The following PGBD1 variants were observed in gnomAD, a reference collection of about 807,000 sequenced individuals.
PGBD1 encodes piggyBac transposable element-derived protein 1.
Under a neutral mutation model 34.7 loss-of-function variants are expected in PGBD1, and 25 were observed. The ratio of observed to expected loss-of-function variants is 0.72; its 90% CI spans 0.52 to 1.00. PGBD1 has a LOEUF of 1.00. Ranked by LOEUF, PGBD1 falls within the 50% of genes least tolerant of loss-of-function variation. The probability of loss-of-function intolerance (pLI) is 0.00; values close to 1 mark genes in which losing one functional copy is unlikely to be tolerated. For synonymous variants in PGBD1, 292 were observed against 335.7 expected, an observed-to-expected ratio of 0.87 and a Z score of 1.42; for missense variants, 830 against 959.4, an observed-to-expected ratio of 0.87 and a Z score of 1.78.
intron 4 of PGBD1, among the ~76,000 whole-genome samples, chr6:28,293,230 C>T (rs1312696362): frequency 6.6e-6 from 1 of 152,142 alleles, no homozygotes; most frequent in African/African-American, 2.4e-5. Context: ...CATGAGCCAC[C>T]ACGCCAGGCC....
chr6:28,298,867 TG>T (rs1454395386), intron 6 of PGBD1, among the ~76,000 whole-genome samples: 1 of 152,062 alleles, frequency 6.6e-6, no homozygotes, highest in Non-Finnish European at 1.5e-5. Flanking sequence ...AGCAGAGGGT[TG>T]GCTTCTGGTG....
At chr6:28,300,000 CAAAA>C (rs776417092) in intron 6 of PGBD1, among the ~76,000 whole-genome samples, 2 of 85,044 alleles carry the variant, frequency 2.4e-5, no homozygotes, top group Non-Finnish European at 4.9e-5. Context: ...GACTCTGTCT[CAAAA>C]AAAAAAAAAA....
At position 28,302,343 on chromosome 6, in the gene PGBD1, C is replaced by T; in HGVS notation, c.*59C>T. The stretch of plus-strand genomic sequence containing the variant: ...AAGACATAGAAAAATAATAATTATA[C>T]ATGCTGTTGTACCCTCCCAAAGTAA... On this transcript the variant is annotated 3_prime_UTR_variant, in exon 7 of 7. Coordinates refer to ENST00000682144, the MANE Select transcript of PGBD1 (RefSeq NM_032507.4). 2.0e-6 allele frequency: 3 copies of T among 1,502,854 alleles called. No individual in the cohort carries two copies. The South Asian group carries it at 3.9e-5, about 20-fold the overall frequency. 93.1% of individuals were successfully genotyped at this position (1,502,854 alleles called of 1,614,324 possible).
Position 28,285,609 on chromosome 6 carries a change from T to A in PGBD1, c.455T>A (p.Val152Asp). ...MHPMVAEYQG[V>D]SLECQSLQLL... The stretch of plus-strand genomic sequence containing the variant: ...CCAATGGTGGCAGAATATCAAGGAG[T>A]CTCTTTGGAGTGTCAGAGCCTCCAG... The change falls in exon 3 of 7, where the codon GTC becomes GAC. Residue 152 changes from valine (V) to aspartate (D), a missense_variant. This residue lies in a region of PGBD1 where 457 missense variants were observed against 515.4 expected (regional missense o/e 0.89). Coordinates refer to ENST00000682144, the MANE Select transcript of PGBD1 (RefSeq NM_032507.4). The A allele has an allele frequency of 1.2e-6, 2 of 1,613,598 alleles. No individual in the cohort carries two copies. The highest frequency in any genetic ancestry group is 1.7e-6 in the Non-Finnish European group (2 of 1,179,844).
chr6:28,284,264 G>T, intron 2 of PGBD1, 55 bp downstream of exon 2: 1 of 1,445,472 alleles, frequency 6.9e-7, no homozygotes, highest in Non-Finnish European at 9.1e-7. Flanking sequence ...ACATGTATCG[G>T]TTTATTTTTA....
chr6:28,284,515 G>A (rs1007481082), intron 2 of PGBD1, among the ~76,000 whole-genome samples: 1 of 151,616 alleles, frequency 6.6e-6, no homozygotes, highest in African/African-American at 2.4e-5. Context: ...AGAGTCAGTT[G>A]CAAACACTAT....
At position 28,283,756 on chromosome 6, in the gene PGBD1, A is replaced by G. The variant is rs2113740368; in HGVS notation, c.-38-20A>G. On this transcript the variant is annotated intron_variant, in intron 1 of 6. Coordinates refer to ENST00000682144, the MANE Select transcript of PGBD1 (RefSeq NM_032507.4). Reference sequence around the variant, plus strand: ...TTGCTGATAAATTCTTATGCCTCAGATCTCTATTTCTGAATATAGACCCCA... The same window carrying G: ...TTGCTGATAAATTCTTATGCCTCAGGTCTCTATTTCTGAATATAGACCCCA... 1 of 1,501,628 alleles carries G rather than the reference A, an allele frequency of 6.7e-7. No homozygotes were observed. Among genetic ancestry groups the G allele is most frequent in the Non-Finnish European group, 8.9e-7 (1 of 1,125,266 alleles). 93.0% of individuals were successfully genotyped at this position (1,501,628 alleles called of 1,614,324 possible).
At position 28,281,608 on chromosome 6, in the gene PGBD1, G is replaced by A; in HGVS notation, c.-349G>A. ...GCTGCTGGAGGCGCCGGCAGCGCCC[G>A]CCAGACCCGCCAGCCCAGCGGCCCG... On this transcript the variant is annotated 5_prime_UTR_variant, in exon 1 of 7. Transcript: ENST00000682144. The A allele has an allele frequency of 2.6e-6, 1 of 381,606 alleles. No homozygotes were observed. The highest frequency in any genetic ancestry group is 4.5e-5 in the Admixed American group (1 of 22,152). 23.6% of individuals were successfully genotyped at this position (381,606 alleles called of 1,614,324 possible).
chr6:28,296,752 C>G, intron 4 of PGBD1, 64 bp from the exon 5 acceptor site: 1 of 1,587,046 alleles, frequency 6.3e-7, no homozygotes, highest in South Asian at 1.1e-5. Flanking sequence ...ATTCAACACC[C>G]TTCACAACTG....
At chr6:28,289,442 C>A (rs1369457775) in intron 4 of PGBD1, among the ~76,000 whole-genome samples, 4 of 152,178 alleles carry the variant, frequency 2.6e-5, no homozygotes, top group South Asian at 2.1e-4. Flanking sequence ...CTAAAGAATT[C>A]TTCAGTCTAA....
rs1762196406 is a variant in PGBD1, at chr6:28,283,769, A to G, written c.-38-7A>G. The G allele has an allele frequency of 2.6e-6, 4 of 1,513,694 alleles. No homozygotes were observed. The South Asian group carries it at 4.0e-5, about 15-fold the overall frequency. The allele number at this position is 1,513,694 out of a possible 1,614,324, so 93.8% of individuals were successfully genotyped here. On this transcript the variant is annotated splice_region_variant and splice_polypyrimidine_tract_variant and intron_variant, in intron 1 of 6. Coordinates refer to ENST00000682144, the MANE Select transcript of PGBD1 (RefSeq NM_032507.4). ...CTTATGCCTCAGATCTCTATTTCTG[A>G]ATATAGACCCCAAGCTAAGTGAAGC...
rs557386885 is a variant in PGBD1, at chr6:28,288,577, C to T, written c.642+1409C>T. On this transcript the variant is annotated intron_variant, in intron 4 of 6. Transcript: ENST00000682144. ...CTTATTCAAAGAAATAACAATAGGC[C>T]GGGTGCAGTGGCTCTCAACTGTAAT... Among the ~76,000 whole-genome samples, 12 of 152,130 alleles carry T rather than the reference C, an allele frequency of 7.9e-5. No individual in the cohort carries two copies. The East Asian group carries it at 1.4e-3, about 17-fold the overall frequency.
chr6:28,300,045 T>C lies in PGBD1; in HGVS notation c.870-679T>C, dbSNP rs1762777365. ...ACAAAACTTTTCATCTTTGTAACTT[T>C]AGCTTACTTCCTTGTAAACCCCATA... On this transcript the variant is annotated intron_variant, in intron 6 of 6. Transcript: ENST00000682144. The surrounding 1 kb of genome is among the most constrained non-coding windows in gnomAD (Gnocchi z 4.0). Among the ~76,000 whole-genome samples the C allele has an allele frequency of 1.3e-5, 2 of 152,066 alleles. No individual in the cohort carries two copies. The highest frequency in any genetic ancestry group is 6.6e-5 in the Admixed American group (1 of 15,252).
chr6:28,288,476 A>C (rs974023727), intron 4 of PGBD1, among the ~76,000 whole-genome samples: 5 of 152,212 alleles, frequency 3.3e-5, no homozygotes, highest in Non-Finnish European at 7.3e-5. Flanking sequence ...AAGTGTGTGC[A>C]AGGAGACCAC....
chr6:28,287,087 TC>T lies in PGBD1; in HGVS notation c.565del (p.His189ThrfsTer16). ...GNPQEVSGPVPHGSAHLQEKN... is the reference protein window; with the variant it reads ...GNPQEVSGPVXHGSAHLQEKN... ...TGCCCTCTCTCTCTGCAGGGCCTGT[TC>T]CCCACGGATCAGCTCATCTCCAGGA... On this transcript the variant is annotated frameshift_variant, in exon 4 of 7. Transcript: ENST00000682144. LOFTEE classifies it high-confidence loss of function. 1 of 1,613,782 alleles carries T rather than the reference TC, an allele frequency of 6.2e-7. No individual in the cohort carries two copies. Among genetic ancestry groups the T allele is most frequent in the Non-Finnish European group, 8.5e-7 (1 of 1,179,728 alleles).
chr6:28,284,422 TC>T (rs34279830), intron 2 of PGBD1, among the ~76,000 whole-genome samples: 76,114 of 149,302 alleles, frequency 0.51, 23,419 homozygotes, highest in African/African-American at 0.86. Context: ...GGAAGTGCAT[TC>T]CCCCCCCCCA....
intron 2 of PGBD1, 23 bp downstream of exon 2, chr6:28,284,232 G>A (rs767266121): frequency 3.5e-5 from 52 of 1,468,816 alleles, no homozygotes; most frequent in Non-Finnish European, 4.5e-5. Flanking sequence ...TGTGTGTGGT[G>A]ATGTGGGAGA....
rs184540359 is a variant in PGBD1, at chr6:28,294,720, A to T, written c.643-2096A>T. On this transcript the variant is annotated intron_variant, in intron 4 of 6. Transcript: ENST00000682144. ...TGAATATTTTAAGCCTACTGTTGAG[A>T]CATACTACTCAAAAAAGAAAAAAAG... 1.1e-4 allele frequency among the ~76,000 whole-genome samples: 16 copies of T among 152,358 alleles called. No individual in the cohort carries two copies. The East Asian group carries it at 3.1e-3, about 29-fold the overall frequency.
chr6:28,302,140 G>A lies in PGBD1; in HGVS notation c.2286G>A (p.Leu762=). The A allele has an allele frequency of 2.5e-6, 4 of 1,614,114 alleles. No homozygotes were observed. Among genetic ancestry groups the A allele is most frequent in the Non-Finnish European group, 1.7e-6 (2 of 1,180,016 alleles). ...RIRSKKWYSI[L]VSYMIDVAMN... ...GAAGCAAGAAATGGTACTCAATTTT[G>A]GTGAGCTACATGATTGATGTAGCCA... The change falls in exon 7 of 7, where the codon TTG becomes TTA. Residue 762 remains leucine (L), a synonymous_variant. Coordinates refer to ENST00000682144, the MANE Select transcript of PGBD1 (RefSeq NM_032507.4).
Sources: gnomAD v4.1 joint callset for allele counts (sites outside exome capture counted in the v4.1 genomes callset) on GRCh38, gnomAD v4.1.1 for gene constraint, gnomAD v4.1.1 regional missense constraint, Gnocchi (gnomAD v3.1) non-coding constraint, MANE v1.5 for transcripts, NCBI Gene and HGNC (gene_info 2026-07-23, HGNC 2026-07-21) for gene names.